The following SMIM17 variants were observed in gnomAD, a reference collection of about 807,000 sequenced individuals.
SMIM17 encodes the protein small integral membrane protein 17.
Under a neutral mutation model 12.2 loss-of-function variants are expected in SMIM17, and 10 were observed. That is an observed-to-expected ratio of 0.82 (90% CI 0.50 to 1.39). SMIM17 has a LOEUF of 1.39. SMIM17 is among the 40% of genes most tolerant of loss of function. SMIM17 has a pLI of 0.00. For missense variants in SMIM17, 136 were observed against 118.2 expected, an observed-to-expected ratio of 1.15 and a Z score of -0.70; for synonymous variants, 50 against 44.1, an observed-to-expected ratio of 1.13 and a Z score of -0.53.
At chr19:56,648,073 C>T (rs2045078931) in intron 3 of SMIM17, among the ~76,000 whole-genome samples, 6 of 150,260 alleles carry the variant, frequency 4.0e-5, no homozygotes, top group Admixed American at 3.3e-4. Context: ...ATCCATCCAT[C>T]CATCCATCCA....
intron 2 of SMIM17, 34 bp downstream of exon 2, chr19:56,645,870 G>T (rs553379782): frequency 9.4e-5 from 141 of 1,503,826 alleles, no homozygotes; most frequent in East Asian, 5.0e-4. Flanking sequence ...AGGTGAGTGG[G>T]TGGAGAGGAA....
At chr19:56,648,238 C>T (rs1490959967) in intron 3 of SMIM17, among the ~76,000 whole-genome samples, 2 of 150,700 alleles carry the variant, frequency 1.3e-5, no homozygotes, top group African/African-American at 2.4e-5. Flanking sequence ...CACCCATAAA[C>T]CCTCCCTTCC....
At chr19:56,643,534 G>C (rs993833888) in intron 1 of SMIM17, among the ~76,000 whole-genome samples, 5 of 152,130 alleles carry the variant, frequency 3.3e-5, no homozygotes, top group African/African-American at 1.2e-4. Context: ...CTCGTGGGGC[G>C]GCACGGGCAC....
chr19:56,645,721 C>G lies in SMIM17; in HGVS notation c.54C>G (p.Thr18=), dbSNP rs751266644. The G allele has an allele frequency of 4.0e-5, 62 of 1,535,598 alleles. No individual in the cohort carries two copies. The Admixed American group carries it at 9.4e-4, about 23-fold the overall frequency. Reference sequence around the variant, plus strand: ...GGGGGCTGCTGGAGCCTGAGAGGACCAAGACTCTGCTGCCTCGGGAGAGCC... The same window carrying G: ...GGGGGCTGCTGGAGCCTGAGAGGACGAAGACTCTGCTGCCTCGGGAGAGCC... ...QTRGLLEPER[T]KTLLPRESRA... The change falls in exon 2 of 4, where the codon ACC becomes ACG. Residue 18 remains threonine, a synonymous_variant. Transcript: ENST00000598409.
intron 1 of SMIM17, among the ~76,000 whole-genome samples, chr19:56,644,855 C>G (rs1028145663): frequency 6.6e-6 from 1 of 152,212 alleles, no homozygotes; most frequent in Non-Finnish European, 1.5e-5. Flanking sequence ...TCACTGAAGC[C>G]TTGAACTCCC....
At chr19:56,649,075 A>C (rs1026467488) in intron 3 of SMIM17, among the ~76,000 whole-genome samples, 7 of 152,198 alleles carry the variant, frequency 4.6e-5, no homozygotes, top group African/African-American at 1.7e-4. Context: ...GAGTGGCCCA[A>C]AGGAAGAAGT....
chr19:56,644,628 C>T (rs2045047971), intron 1 of SMIM17, among the ~76,000 whole-genome samples: 2 of 152,214 alleles, frequency 1.3e-5, no homozygotes, highest in Admixed American at 1.3e-4. Flanking sequence ...TCTCTTGCCC[C>T]ACTCCCCACT....
intron 1 of SMIM17, among the ~76,000 whole-genome samples, 163 bp from the exon 2 acceptor site, chr19:56,645,405 C>T (rs2045055317): frequency 6.6e-6 from 1 of 152,134 alleles, no homozygotes; most frequent in Non-Finnish European, 1.5e-5. Context: ...CTGCTGTGTG[C>T]TTTATTTGTT....
intron 3 of SMIM17, among the ~76,000 whole-genome samples, chr19:56,650,592 G>A (rs1032394459): frequency 3.3e-5 from 5 of 151,364 alleles, no homozygotes; most frequent in African/African-American, 1.2e-4. Flanking sequence ...TACAGATGAG[G>A]AAACTGAGGC....
Position 56,647,545 on chromosome 19 carries a change from C to T in SMIM17, c.170-13C>T, listed in dbSNP as rs1384819738. The stretch of plus-strand genomic sequence containing the variant: ...TCATGGCTCCTTTTTCCTCCACTCC[C>T]ACCCTCACCCAGACCTGTCTTCTCA... On this transcript the variant is annotated splice_polypyrimidine_tract_variant and intron_variant, in intron 2 of 3. Coordinates refer to ENST00000598409, the MANE Select transcript of SMIM17 (RefSeq NM_001193628.2). The T allele has an allele frequency of 1.3e-6, 2 of 1,534,288 alleles. No individual in the cohort carries two copies. The highest frequency in any genetic ancestry group is 1.4e-5 in the African/African-American group (1 of 73,022).
chr19:56,650,514 G>C (rs974630988), intron 3 of SMIM17, among the ~76,000 whole-genome samples: 9 of 152,160 alleles, frequency 5.9e-5, no homozygotes, highest in African/African-American at 1.9e-4. Flanking sequence ...AACACATCTA[G>C]TAACTGAACA....
chr19:56,651,901 C>T (rs1053508958), intron 3 of SMIM17, among the ~76,000 whole-genome samples: 9 of 151,658 alleles, frequency 5.9e-5, no homozygotes, highest in Non-Finnish European at 2.9e-5. Context: ...GTCATGAGTT[C>T]GAGATCAGTC....
rs559393312 is a variant in SMIM17 at position 56,655,936 on chromosome 19, C to T, written c.*723C>T. 6.0e-5 allele frequency among the ~76,000 whole-genome samples: 9 copies of T among 148,808 alleles called. No homozygotes were observed. The South Asian group carries it at 1.3e-3, about 21-fold the overall frequency. On this transcript the variant is annotated 3_prime_UTR_variant, in exon 4 of 4. Coordinates refer to ENST00000598409, the MANE Select transcript of SMIM17 (RefSeq NM_001193628.2). ...TTTTTACCTCTTGCATTTATTTTGG[C>T]GAATTACAGAGGTTTTTGTTTTTTT...
At chr19:56,643,565 C>T (rs2148036281) in intron 1 of SMIM17, among the ~76,000 whole-genome samples, 1 of 152,248 alleles carries the variant, frequency 6.6e-6, no homozygotes, top group African/African-American at 2.4e-5. Flanking sequence ...CTCGCTGGGG[C>T]TTGGTGTCGA....
chr19:56,650,962 C>A (rs908453564), intron 3 of SMIM17, among the ~76,000 whole-genome samples: 59 of 150,714 alleles, frequency 3.9e-4, no homozygotes, highest in Admixed American at 3.2e-3. Flanking sequence ...TGATGGAGCA[C>A]ACACCAGGGG....
chr19:56,655,440 C>T lies in SMIM17; in HGVS notation c.*227C>T. 1 of 424,336 alleles carries T rather than the reference C, an allele frequency of 2.4e-6. No homozygotes were observed. Among genetic ancestry groups the T allele is most frequent in the Non-Finnish European group, 4.1e-6 (1 of 241,460 alleles). The allele number at this position is 424,336 out of a possible 1,614,324, so 26.3% of individuals were successfully genotyped here. A position where few individuals can be genotyped will look rare whatever the true frequency, so the allele number is the denominator to read the frequency against. ...GATTGTAAAACATTATTTTGTATAC[C>T]ACGGAGAAAGAAAAGTGCTAATTAA... On this transcript the variant is annotated 3_prime_UTR_variant, in exon 4 of 4. Coordinates refer to ENST00000598409, the MANE Select transcript of SMIM17 (RefSeq NM_001193628.2).
In SMIM17 at chr19:56,648,357, T is replaced by TATGCATCCATATACCCATTCC. The variant is rs753786599; in HGVS notation, c.246+726_246+746dup. Among the ~76,000 whole-genome samples, 384 of 135,666 alleles carry TATGCATCCATATACCCATTCC rather than the reference T, an allele frequency of 2.8e-3. 3 individuals carry two copies. Among genetic ancestry groups the TATGCATCCATATACCCATTCC allele is most frequent in the Non-Finnish European group, 4.5e-3 (288 of 64,688 alleles). 89.0% of individuals were successfully genotyped at this position (135,666 alleles called of 152,430 possible). A position where few individuals can be genotyped will look rare whatever the true frequency, so the allele number is the denominator to read the frequency against. ...TTCATTTACCCAACCTTTCATCCCT[T>TATGCATCCATATACCCATTCC]ATGCATCCATATACCCATTCCATCC... is the stretch of plus-strand genomic sequence containing the variant. On this transcript the variant is annotated intron_variant, in intron 3 of 3. Transcript: ENST00000598409.
rs538631919 is a variant in SMIM17 at position 56,656,234 on chromosome 19, G to A, written c.*1021G>A. On this transcript the variant is annotated 3_prime_UTR_variant, in exon 4 of 4. Transcript: ENST00000598409. ...GCTGGGATTACAGATGTGAGCCACC[G>A]TGCCCAGCCCAGAGTTCTTTTATCC... Among the ~76,000 whole-genome samples, 73 of 152,120 alleles carry A rather than the reference G, an allele frequency of 4.8e-4. 1 individual carries two copies. The highest frequency in any genetic ancestry group is 1.7e-3 in the African/African-American group (71 of 41,530).
intron 3 of SMIM17, among the ~76,000 whole-genome samples, chr19:56,648,375 TTCCA>T (rs3071091): frequency 0.1 from 15,020 of 146,170 alleles, 865 homozygotes; most frequent in African/African-American, 0.17. Flanking sequence ...CATATACCCA[TTCCA>T]TCCATCCATC....
Sources: allele counts gnomAD v4.1 joint callset (sites outside exome capture counted in the v4.1 genomes callset), GRCh38; gene constraint gnomAD v4.1.1; transcripts MANE v1.5; gene names NCBI Gene and HGNC (gene_info 2026-07-23, HGNC 2026-07-21).